DOCK1: variants seen among roughly 807,000 people sequenced by gnomAD.
The protein encoded by DOCK1 is dedicator of cytokinesis protein 1.
Under a neutral mutation model 262.7 loss-of-function variants are expected in DOCK1, and 138 were observed. That is an observed-to-expected ratio of 0.53 (90% CI 0.46 to 0.61). The LOEUF is 0.61. DOCK1 is among the 20% of genes least tolerant of loss of function. The pLI, the probability that DOCK1 is intolerant of heterozygous loss-of-function variation, is 0.00. For missense variants in DOCK1, 1,908 were observed against 2,370.7 expected (o/e 0.80, Z 4.05); for synonymous variants, 866 against 867.4 (o/e 1.00, Z 0.03).
Position 127,313,315 on chromosome 10 carries a change from C to T in DOCK1, c.3045-25691C>T, listed in dbSNP as rs200889651. The stretch of plus-strand genomic sequence containing the variant: ...AGGGACAATGTCCTAAGCATCTTTA[C>T]ATCCCAGGACAAGCTCACGAGTAGG... On this transcript the variant is annotated intron_variant, in intron 29 of 51. Coordinates refer to ENST00000623213, the MANE Select transcript of DOCK1 (RefSeq NM_001290223.2). Among the ~76,000 whole-genome samples the T allele has an allele frequency of 2.1e-4, 32 of 152,308 alleles. No homozygotes were observed. In the East Asian group the frequency reaches 6.2e-3, roughly 29 times the overall value.
At chr10:126,945,769 C>A (rs2134291138) in intron 1 of DOCK1, among the ~76,000 whole-genome samples, 2 of 152,330 alleles carry the variant, frequency 1.3e-5, no homozygotes, top group South Asian at 2.1e-4. Flanking sequence ...GGTGCACATA[C>A]TGTATGGCTG....
intron 1 of DOCK1, among the ~76,000 whole-genome samples, chr10:126,957,817 TAACTC>T (rs1413752160): frequency 6.6e-6 from 1 of 152,162 alleles, no homozygotes; most frequent in Non-Finnish European, 1.5e-5. Flanking sequence ...TGGAAACAAA[TAACTC>T]AAATGTCCAT....
At chr10:127,162,348 G>A (rs1490533378) in intron 27 of DOCK1, among the ~76,000 whole-genome samples, 1 of 152,184 alleles carries the variant, frequency 6.6e-6, no homozygotes, top group African/African-American at 2.4e-5. Context: ...TGAGAACTTG[G>A]AAGTAATATA....
At chr10:127,264,063 G>A (rs11017018) in intron 29 of DOCK1, among the ~76,000 whole-genome samples, 14,087 of 152,144 alleles carry the variant, frequency 0.093, 725 homozygotes, top group African/African-American at 0.12. Flanking sequence ...TGAGAGAGAG[G>A]CCAGTACTGA....
intron 1 of DOCK1, among the ~76,000 whole-genome samples, chr10:126,931,427 A>G (rs1384743559): frequency 6.6e-6 from 1 of 152,022 alleles, no homozygotes; most frequent in African/African-American, 2.4e-5. Context: ...AGTGGGTGGT[A>G]CCTGGTCTGG....
chr10:127,191,187 G>A (rs898824489), intron 27 of DOCK1, among the ~76,000 whole-genome samples: 1 of 152,102 alleles, frequency 6.6e-6, no homozygotes, highest in Non-Finnish European at 1.5e-5. Flanking sequence ...GAAGTGAGCC[G>A]GGGCATCACT....
Position 127,327,392 on chromosome 10 carries a change from G to A in DOCK1, c.3045-11614G>A, listed in dbSNP as rs565855776. On this transcript the variant is annotated intron_variant, in intron 29 of 51. Transcript: ENST00000623213. Reference sequence around the variant, plus strand: ...CTTTCTGTTCACCTTGCACTTTTATGTTATGGAGATGGCTTCTTTCCTTAA... The same window carrying A: ...CTTTCTGTTCACCTTGCACTTTTATATTATGGAGATGGCTTCTTTCCTTAA... Among the ~76,000 whole-genome samples, 3 of 152,304 alleles carry A rather than the reference G, an allele frequency of 2.0e-5. No homozygotes were observed. The South Asian group carries it at 6.2e-4, about 32-fold the overall frequency.
chr10:127,228,811 T>C (rs2058733803), intron 27 of DOCK1, among the ~76,000 whole-genome samples: 1 of 152,190 alleles, frequency 6.6e-6, no homozygotes, highest in African/African-American at 2.4e-5. Flanking sequence ...CGAATAAAAA[T>C]TATGTATATT....
intron 12 of DOCK1, among the ~76,000 whole-genome samples, chr10:127,017,760 T>C (rs919678961): frequency 8.5e-5 from 13 of 152,128 alleles, no homozygotes; most frequent in African/African-American, 2.2e-4. Context: ...AGCACCCCCA[T>C]GTGCTGGCTT....
intron 29 of DOCK1, among the ~76,000 whole-genome samples, chr10:127,295,767 A>G (rs1173209850): frequency 6.6e-6 from 1 of 151,954 alleles, no homozygotes; most frequent in Non-Finnish European, 1.5e-5. Context: ...GTGCCAATTG[A>G]GGTTTGGGAT....
chr10:127,101,250 T>C (rs1414179650), intron 23 of DOCK1, among the ~76,000 whole-genome samples: 1 of 151,936 alleles, frequency 6.6e-6, no homozygotes, highest in Non-Finnish European at 1.5e-5. Context: ...GGGGTCAGGC[T>C]TGAGAAGAGC....
chr10:127,380,376 G>A (rs1242457670), intron 36 of DOCK1, among the ~76,000 whole-genome samples: 1 of 151,994 alleles, frequency 6.6e-6, no homozygotes, highest in East Asian at 1.9e-4. Flanking sequence ...GTTTCACAGC[G>A]TTTTGTACCT....
intron 1 of DOCK1, among the ~76,000 whole-genome samples, chr10:126,949,097 G>A (rs1314642863): frequency 1.3e-5 from 2 of 152,092 alleles, no homozygotes; most frequent in African/African-American, 4.8e-5. Context: ...TCTGCTGGGG[G>A]GAGGTGCATC....
At chr10:127,215,037 C>T (rs2058144785) in intron 27 of DOCK1, among the ~76,000 whole-genome samples, 1 of 152,138 alleles carries the variant, frequency 6.6e-6, no homozygotes, top group South Asian at 2.1e-4. Context: ...CTCGGGCACC[C>T]TGAGCCCTGC....
At chr10:127,315,965 C>G (rs1274170139) in intron 29 of DOCK1, among the ~76,000 whole-genome samples, 1 of 152,034 alleles carries the variant, frequency 6.6e-6, no homozygotes, top group African/African-American at 2.4e-5. Context: ...TCCCAAAGTA[C>G]TGGGATTACA....
At chr10:127,280,198 C>A (rs894637935) in intron 29 of DOCK1, among the ~76,000 whole-genome samples, 13 of 151,426 alleles carry the variant, frequency 8.6e-5, no homozygotes, top group Admixed American at 7.9e-4. Flanking sequence ...CCGCACCCGG[C>A]TAATTTTTTG....
At position 127,419,667 on chromosome 10, in the gene DOCK1, C is replaced by T. The variant is rs749893339; in HGVS notation, c.4694C>T (p.Ala1565Val). 29 of 1,601,706 alleles carry T rather than the reference C, an allele frequency of 1.8e-5. No individual in the cohort carries two copies. Among genetic ancestry groups the T allele is most frequent in the Non-Finnish European group, 2.5e-5 (29 of 1,173,980 alleles). The change falls in exon 46 of 52, where the codon GCC becomes GTC. Residue 1565 changes from alanine to valine, a missense_variant and splice_region_variant. By Grantham distance (64) the Ala-to-Val change is moderately conservative. Coordinates refer to ENST00000623213, the MANE Select transcript of DOCK1 (RefSeq NM_001290223.2). The stretch of plus-strand genomic sequence containing the variant: ...AGCAACTCTCCTTGTCTCCACCAGG[C>T]CTTCTTTACAGACCGGTACCTGCAG... ...VMGGFANYEK[A>V]FFTDRYLQEH...
Position 127,175,922 on chromosome 10 carries a change from C to G in DOCK1, c.2847+48158C>G. On this transcript the variant is annotated intron_variant, in intron 27 of 51. Transcript: ENST00000623213. The surrounding 1 kb of genome is among the most constrained non-coding windows in gnomAD (Gnocchi z 6.3). ...CCCGCCCCGCGCCACATGGCCGGGC[C>G]TCCTCCATGGGTCCAGCCTCGTTCT... 6.2e-7 allele frequency: 1 copy of G among 1,614,204 alleles called. No homozygotes were observed. The highest frequency in any genetic ancestry group is 1.7e-5 in the Admixed American group (1 of 60,026).
intron 23 of DOCK1, 120 bp from the exon 24 acceptor site, chr10:127,106,111 C>T: frequency 9.7e-7 from 1 of 1,026,050 alleles, no homozygotes; most frequent in South Asian, 1.7e-5. Flanking sequence ...GTCAGCCCCT[C>T]ATCTGGAAGT....
Sources: gnomAD v4.1 joint callset for allele counts (sites outside exome capture counted in the v4.1 genomes callset) on GRCh38, gnomAD v4.1.1 for gene constraint, Gnocchi (gnomAD v3.1) non-coding constraint, MANE v1.5 for transcripts, NCBI Gene and HGNC (gene_info 2026-07-23, HGNC 2026-07-21) for gene names.